Variants in TBC1D19 observed in about 807,000 individuals in gnomAD.
The protein encoded by TBC1D19 is TBC1 domain family, member 19.
Under a neutral mutation model 89.0 loss-of-function variants are expected in TBC1D19, and 60 were observed. The ratio of observed to expected loss-of-function variants is 0.67; its 90% CI spans 0.55 to 0.84. The LOEUF (loss-of-function observed/expected upper bound fraction) is 0.84. Among genes scored for constraint, TBC1D19 ranks in the 40% least tolerant of loss-of-function variants. The probability of loss-of-function intolerance (pLI) is 0.00; values close to 1 mark genes in which losing one functional copy is unlikely to be tolerated. For missense variants in TBC1D19, 500 were observed against 610.8 expected, an observed-to-expected ratio of 0.82 and a Z score of 1.91; for synonymous variants, 189 against 199.7, an observed-to-expected ratio of 0.95 and a Z score of 0.45.
chr4:26,852,100 T>C, the TBC1D19 span, among the ~76,000 whole-genome samples: 2 of 152,274 alleles, frequency 1.3e-5, no homozygotes, highest in Admixed American at 6.5e-5. Context: ...AGTGAACGTA[T>C]GCAAAACTGA....
intron 15 of TBC1D19, among the ~76,000 whole-genome samples, 182 bp from the exon 16 acceptor site, chr4:26,735,268 GTTTAC>G (rs1702284595): frequency 6.6e-6 from 1 of 151,546 alleles, no homozygotes; most frequent in African/African-American, 2.4e-5. Flanking sequence ...AAAGCCTCTA[GTTTAC>G]TTTTCTGAAG....
At chr4:26,592,452 A>G (rs75815076) in intron 1 of TBC1D19, among the ~76,000 whole-genome samples, 57,258 of 151,830 alleles carry the variant, frequency 0.38, 11,797 homozygotes, top group Non-Finnish European at 0.47. Context: ...CTCTCTCACC[A>G]CTCCTATTCA....
chr4:26,830,093 T>A, the TBC1D19 span, among the ~76,000 whole-genome samples: 1 of 152,196 alleles, frequency 6.6e-6, no homozygotes, highest in African/African-American at 2.4e-5. Context: ...CCATGGCCCA[T>A]AAAAGTGTAA....
intron 9 of TBC1D19, among the ~76,000 whole-genome samples, chr4:26,670,981 T>G (rs150840155): frequency 9.9e-5 from 15 of 151,394 alleles, no homozygotes; most frequent in Non-Finnish European, 1.9e-4. Context: ...CATTTTTGGT[T>G]ATTATCAATG....
chr4:26,806,934 G>C, the TBC1D19 span, among the ~76,000 whole-genome samples: 1 of 152,298 alleles, frequency 6.6e-6, no homozygotes, highest in South Asian at 2.1e-4. Flanking sequence ...TCAGAGGGAG[G>C]CTGGTCCTGC....
chr4:26,805,052 C>A, the TBC1D19 span, among the ~76,000 whole-genome samples: 1 of 152,188 alleles, frequency 6.6e-6, no homozygotes, highest in East Asian at 1.9e-4. Context: ...GGCTCAGCTC[C>A]TCTTCCCACG....
chr4:26,602,062 G>A (rs188065213), intron 1 of TBC1D19, among the ~76,000 whole-genome samples: 35 of 152,240 alleles, frequency 2.3e-4, no homozygotes, highest in Admixed American at 2.0e-3. Context: ...CTTATTCTTC[G>A]TGTGTTTCTC....
At chr4:26,596,611 C>A (rs1266422263) in intron 1 of TBC1D19, among the ~76,000 whole-genome samples, 1 of 87,286 alleles carries the variant, frequency 1.1e-5, no homozygotes, top group African/African-American at 2.8e-5. Flanking sequence ...TTATTACTTT[C>A]CTCCTGTTTT....
chr4:26,702,194 T>C (rs1715386703), intron 13 of TBC1D19: 1 of 152,184 alleles, frequency 6.6e-6, no homozygotes, highest in Admixed American at 6.5e-5. Flanking sequence ...TTTTATCTTT[T>C]CCACATGTAA....
chr4:26,848,149 A>G, the TBC1D19 span, among the ~76,000 whole-genome samples: 1 of 152,226 alleles, frequency 6.6e-6, no homozygotes, highest in Non-Finnish European at 1.5e-5. Flanking sequence ...TGGTAGACTG[A>G]TTAAAGACTG....
chr4:26,710,300 T>C (rs561933344), intron 13 of TBC1D19, among the ~76,000 whole-genome samples: 3 of 150,982 alleles, frequency 2.0e-5, no homozygotes, highest in Admixed American at 6.6e-5. Flanking sequence ...TTTGTCCTTG[T>C]GATAGTTTGC....
chr4:26,702,899 A>G (rs1451125062), intron 13 of TBC1D19, among the ~76,000 whole-genome samples: 1 of 152,178 alleles, frequency 6.6e-6, no homozygotes, highest in African/African-American at 2.4e-5. Context: ...TCACCATTCA[A>G]CTGCTGCTAT....
the TBC1D19 span, among the ~76,000 whole-genome samples, chr4:26,797,507 T>C: frequency 6.6e-6 from 1 of 152,282 alleles, no homozygotes; most frequent in East Asian, 1.9e-4. Context: ...CCTATTAAAT[T>C]ACCAACATCA....
At position 26,742,540 on chromosome 4, in the gene TBC1D19, T is replaced by C. The variant is rs1718429928; in HGVS notation, c.1260T>C (p.Thr420=). The change falls in exon 18 of 21, where the codon ACT becomes ACC. Residue 420 remains threonine, a synonymous_variant. Coordinates refer to ENST00000264866, the MANE Select transcript of TBC1D19 (RefSeq NM_018317.4). ...TGTCACTCTGTCTGCTGTTTGAAACTCTTCTTCAAACTTATCTTCCCCAAC... is the reference window on the plus strand; with the variant it reads ...TGTCACTCTGTCTGCTGTTTGAAACCCTTCTTCAAACTTATCTTCCCCAAC... ...GIVSLCLLFE[T]LLQTYLPQLF... The C allele has an allele frequency of 1.2e-6, 2 of 1,612,316 alleles. No individual in the cohort carries two copies. The highest frequency in any genetic ancestry group is 1.7e-6 in the Non-Finnish European group (2 of 1,178,978).
chr4:26,743,680 C>T (rs1177042587), intron 18 of TBC1D19, among the ~76,000 whole-genome samples: 2 of 151,818 alleles, frequency 1.3e-5, no homozygotes, highest in Non-Finnish European at 2.9e-5. Context: ...CTCATATCAT[C>T]CATTGATAAT....
intron 13 of TBC1D19, among the ~76,000 whole-genome samples, chr4:26,694,706 A>C (rs1714608128): frequency 6.6e-6 from 1 of 152,154 alleles, no homozygotes; most frequent in Non-Finnish European, 1.5e-5. Context: ...TTCCAGAGGA[A>C]TGATCAGGCA....
At chr4:26,673,946 AC>A in intron 11 of TBC1D19, 58 bp downstream of exon 11, 1 of 1,038,036 alleles carries the variant, frequency 9.6e-7, no homozygotes, top group Non-Finnish European at 1.4e-6. Flanking sequence ...TTTTTCAAAG[AC>A]CAGTTATTCA....
intron 13 of TBC1D19, among the ~76,000 whole-genome samples, chr4:26,714,894 C>T (rs555747306): frequency 6.6e-6 from 1 of 152,132 alleles, no homozygotes; most frequent in East Asian, 1.9e-4. Context: ...ATGGTAAATC[C>T]ACCTTTGATG....
intron 13 of TBC1D19, among the ~76,000 whole-genome samples, chr4:26,708,344 G>A (rs963177674): frequency 6.6e-6 from 1 of 151,984 alleles, no homozygotes; most frequent in Non-Finnish European, 1.5e-5. Flanking sequence ...TAATTGTATA[G>A]AGGATCCTTT....
Sources: allele counts gnomAD v4.1 joint callset (sites outside exome capture counted in the v4.1 genomes callset), GRCh38; gene constraint gnomAD v4.1.1; transcripts MANE v1.5; gene names NCBI Gene and HGNC (gene_info 2026-07-23, HGNC 2026-07-21).